Variants in ARHGAP28 observed in about 807,000 individuals in gnomAD.
ARHGAP28 encodes Rho GTPase activating protein 28.
Under a neutral mutation model 90.7 loss-of-function variants are expected in ARHGAP28, and 56 were observed. That is an observed-to-expected ratio of 0.62 (90% CI 0.50 to 0.77). The LOEUF (loss-of-function observed/expected upper bound fraction) is 0.77, where lower values mean the gene tolerates loss of function less well. ARHGAP28 is among the 30% of genes least tolerant of loss of function. ARHGAP28 has a pLI of 0.00. For missense variants in ARHGAP28, 869 were observed against 900.9 expected (o/e 0.96, Z 0.45); for synonymous variants, 308 against 323.3 (o/e 0.95, Z 0.51).
At chr18:6,789,509 AAG>A (rs761181666) in intron 1 of ARHGAP28, 1 of 152,230 alleles carries the variant, frequency 6.6e-6, no homozygotes, top group Non-Finnish European at 1.5e-5. Flanking sequence ...CGGGAGGCGG[AAG>A]TTGCAGTGAG....
chr18:6,877,581 G>C (rs2057141530), intron 10 of ARHGAP28, among the ~76,000 whole-genome samples: 1 of 152,212 alleles, frequency 6.6e-6, no homozygotes, highest in African/African-American at 2.4e-5. Context: ...CAGGGCACCA[G>C]GGCATCAGGG....
intron 1 of ARHGAP28, among the ~76,000 whole-genome samples, chr18:6,780,285 C>G (rs1438774340): frequency 6.6e-6 from 1 of 151,656 alleles, no homozygotes; most frequent in Non-Finnish European, 1.5e-5. Flanking sequence ...AACCTTGAAT[C>G]AAAAATATTT....
chr18:6,767,429 A>G (rs542934648), intron 1 of ARHGAP28, among the ~76,000 whole-genome samples: 1 of 152,128 alleles, frequency 6.6e-6, no homozygotes, highest in East Asian at 1.9e-4. Context: ...TCTTTTGTAG[A>G]GGTCCAAGTT....
chr18:6,860,910 A>G lies in ARHGAP28; in HGVS notation c.726+1013A>G, dbSNP rs142202989. Among the ~76,000 whole-genome samples, 30 of 152,358 alleles carry G rather than the reference A, an allele frequency of 2.0e-4. No individual in the cohort carries two copies. In the East Asian group the frequency reaches 4.0e-3, roughly 21 times the overall value. On this transcript the variant is annotated intron_variant, in intron 5 of 17. Coordinates refer to ENST00000383472, the MANE Select transcript of ARHGAP28 (RefSeq NM_001366230.1). ...ATAAATAGGCTGAGGGTTACCCACA[A>G]TATCTGACCCACTGACTGTAAATCA...
chr18:6,745,250 T>G (rs1416777769), intron 1 of ARHGAP28, among the ~76,000 whole-genome samples: 1 of 152,188 alleles, frequency 6.6e-6, no homozygotes, highest in East Asian at 1.9e-4. Context: ...GATGACATAT[T>G]GCAAGAATGT....
chr18:6,739,912 T>C (rs898597333), intron 1 of ARHGAP28, among the ~76,000 whole-genome samples: 2 of 151,224 alleles, frequency 1.3e-5, no homozygotes, highest in African/African-American at 2.4e-5. Flanking sequence ...TTGTGTGCAA[T>C]GGTGCAATGT....
In ARHGAP28 at chr18:6,870,838, T is replaced by C. The variant is rs537794712; in HGVS notation, c.954+106T>C. 3,223 of 1,251,190 alleles carry C rather than the reference T, an allele frequency of 2.6e-3. 27 individuals carry two copies. The highest frequency in any genetic ancestry group is 0.025 in the African/African-American group (1,652 of 65,338). 77.5% of individuals were successfully genotyped at this position (1,251,190 alleles called of 1,614,324 possible). ...TTTTTGAGACGGAGTCTCGCTCTAT[T>C]GCCCCAGGCTGGAGTGCAGTGGCGC... is the stretch of plus-strand genomic sequence containing the variant. On this transcript the variant is annotated intron_variant, in intron 7 of 17. Coordinates refer to ENST00000383472, the MANE Select transcript of ARHGAP28 (RefSeq NM_001366230.1).
Position 6,878,672 on chromosome 18 carries a change from C to T in ARHGAP28, c.1290+2464C>T, listed in dbSNP as rs116501115. Among the ~76,000 whole-genome samples the T allele has an allele frequency of 7.0e-3, 1,068 of 152,202 alleles. 14 individuals are homozygous for T. Among genetic ancestry groups the T allele is most frequent in the African/African-American group, 0.025 (1,023 of 41,534 alleles). ...ACATACAGGTCAGTCTTTTTTCTCC[C>T]CTACCCAGTTTTATGTAGTTTCAGC... On this transcript the variant is annotated intron_variant, in intron 10 of 17. Transcript: ENST00000383472.
At chr18:6,827,925 C>G (rs59106353) in intron 2 of ARHGAP28, among the ~76,000 whole-genome samples, 1 of 151,732 alleles carries the variant, frequency 6.6e-6, no homozygotes, top group Non-Finnish European at 1.5e-5. Flanking sequence ...CGGGCAGAGA[C>G]GCTCCTCACT....
chr18:6,777,750 G>A (rs58861953), intron 1 of ARHGAP28, among the ~76,000 whole-genome samples: 19,022 of 150,378 alleles, frequency 0.13, 1,717 homozygotes, highest in East Asian at 0.34. Context: ...GAATGAATGA[G>A]TGAATGAATG....
At chr18:6,827,702 C>T (rs559670841) in intron 2 of ARHGAP28, among the ~76,000 whole-genome samples, 2 of 152,066 alleles carry the variant, frequency 1.3e-5, no homozygotes, top group South Asian at 4.2e-4. Context: ...TTCTCACTTC[C>T]CAGACGGTGT....
intron 1 of ARHGAP28, among the ~76,000 whole-genome samples, chr18:6,755,000 T>G (rs2056097986): frequency 6.6e-6 from 1 of 151,948 alleles, no homozygotes; most frequent in African/African-American, 2.4e-5. Flanking sequence ...ACAAAAAAAT[T>G]AGCTAGGTGT....
intron 1 of ARHGAP28, among the ~76,000 whole-genome samples, chr18:6,764,565 A>G (rs1383604420): frequency 6.6e-6 from 1 of 151,886 alleles, no homozygotes; most frequent in Non-Finnish European, 1.5e-5. Context: ...TGTTGTAATA[A>G]CCCCTCTTCA....
In ARHGAP28 at chr18:6,890,546, A is replaced by G; in HGVS notation, c.1848+3A>G. The stretch of plus-strand genomic sequence containing the variant: ...GGAGGAAGACCCTCGAGCGGGAGGT[A>G]AGACAGCAAATGAGGCATGGCGATT... On this transcript the variant is annotated splice_donor_region_variant and intron_variant, in intron 14 of 17. Coordinates refer to ENST00000383472, the MANE Select transcript of ARHGAP28 (RefSeq NM_001366230.1). 6.3e-7 allele frequency: 1 copy of G among 1,593,522 alleles called. No individual in the cohort carries two copies. Among genetic ancestry groups the G allele is most frequent in the Non-Finnish European group, 8.6e-7 (1 of 1,167,860 alleles).
chr18:6,849,528 T>C (rs537218208), intron 3 of ARHGAP28, among the ~76,000 whole-genome samples: 1 of 152,310 alleles, frequency 6.6e-6, no homozygotes, highest in South Asian at 2.1e-4. Flanking sequence ...GATTGTGCCT[T>C]TTACTCTTTG....
At chr18:6,752,995 A>C (rs192898527) in intron 1 of ARHGAP28, among the ~76,000 whole-genome samples, 11 of 152,080 alleles carry the variant, frequency 7.2e-5, no homozygotes, top group Admixed American at 7.2e-4. Flanking sequence ...AGGGGTTTTA[A>C]TGAAGTATTA....
intron 1 of ARHGAP28, among the ~76,000 whole-genome samples, chr18:6,736,881 CT>C (rs565604462): frequency 9.1e-4 from 137 of 150,344 alleles, no homozygotes; most frequent in Non-Finnish European, 1.8e-3. Context: ...ATCTTTGTAC[CT>C]GATGGAAAAC....
At chr18:6,846,150 C>T (rs2056864656) in intron 3 of ARHGAP28, among the ~76,000 whole-genome samples, 1 of 152,208 alleles carries the variant, frequency 6.6e-6, no homozygotes, top group South Asian at 2.1e-4. Context: ...AGACCATTTA[C>T]AGTGAGAAAC....
intron 15 of ARHGAP28, among the ~76,000 whole-genome samples, chr18:6,895,550 C>A (rs1237174282): frequency 2.6e-5 from 4 of 152,230 alleles, no homozygotes; most frequent in African/African-American, 9.6e-5. Flanking sequence ...TCTTGCCCCT[C>A]TCCTCACTTT....
Sources: allele counts gnomAD v4.1 joint callset (sites outside exome capture counted in the v4.1 genomes callset), GRCh38; gene constraint gnomAD v4.1.1; transcripts MANE v1.5; gene names NCBI Gene and HGNC (gene_info 2026-07-23, HGNC 2026-07-21).